The following VIPR1 variants were observed in gnomAD, a reference collection of about 807,000 sequenced individuals.
VIPR1 encodes the protein vasoactive intestinal polypeptide receptor 1.
A neutral mutation model predicts 58.8 loss-of-function variants in VIPR1; 59 were observed. The ratio of observed to expected loss-of-function variants is 1.00; its 90% CI spans 0.81 to 1.25. The LOEUF is 1.25. Among genes scored for constraint, VIPR1 ranks in the 50% most tolerant of loss-of-function variants. The pLI is 0.00. For synonymous variants in VIPR1, 251 were observed against 242.1 expected (o/e 1.04, Z -0.34); for missense variants, 626 against 602.7 (o/e 1.04, Z -0.40).
At chr3:42,518,334 C>T (rs1035801215) in intron 2 of VIPR1, among the ~76,000 whole-genome samples, 1 of 152,160 alleles carries the variant, frequency 6.6e-6, no homozygotes, top group Non-Finnish European at 1.5e-5. Context: ...TTTTCCAAAA[C>T]ATTGAACAAC....
chr3:42,519,129 G>C, intron 2 of VIPR1, 94 bp from the exon 3 acceptor site: 38 of 1,022,108 alleles, frequency 3.7e-5, no homozygotes, highest in Non-Finnish European at 5.0e-5. Context: ...GCCTGGCAGA[G>C]GGAGGAAGAG....
chr3:42,529,192 T>A (rs1701394207), intron 6 of VIPR1: 1 of 152,218 alleles, frequency 6.6e-6, no homozygotes, highest in South Asian at 2.1e-4. Context: ...GGATTATGGC[T>A]CACGCCTGTA....
At chr3:42,490,918 C>G (rs1289279308) in intron 1 of VIPR1, among the ~76,000 whole-genome samples, 1 of 152,052 alleles carries the variant, frequency 6.6e-6, no homozygotes. Flanking sequence ...AGCAGAAGAC[C>G]AGAAGAGAGG....
chr3:42,490,595 G>T (rs575624840), intron 1 of VIPR1, among the ~76,000 whole-genome samples: 1 of 152,336 alleles, frequency 6.6e-6, no homozygotes, highest in South Asian at 2.1e-4. Flanking sequence ...TTGGGAGCCA[G>T]AGGGGAGGAA....
chr3:42,503,583 G>A (rs1463262818), intron 1 of VIPR1, among the ~76,000 whole-genome samples: 1 of 152,164 alleles, frequency 6.6e-6, no homozygotes, highest in Non-Finnish European at 1.5e-5. Flanking sequence ...TGTGATATGT[G>A]TTCCTGTGGA....
At chr3:42,496,776 T>C (rs1253711315) in intron 1 of VIPR1, among the ~76,000 whole-genome samples, 1 of 152,238 alleles carries the variant, frequency 6.6e-6, no homozygotes, top group Non-Finnish European at 1.5e-5. Context: ...CATGATTTGA[T>C]GCTTCTATTT....
Position 42,513,802 on chromosome 3 carries a change from G to A in VIPR1, c.132G>A (p.Glu44=). 1 of 1,551,680 alleles carries A rather than the reference G, an allele frequency of 6.4e-7. No homozygotes were observed. Among genetic ancestry groups the A allele is most frequent in the South Asian group, 1.2e-5 (1 of 84,056 alleles). Residue 44 remains glutamate (E), a synonymous_variant, in exon 2 of 13, where the codon GAG becomes GAA. Coordinates refer to ENST00000325123, the MANE Select transcript of VIPR1 (RefSeq NM_004624.4). ...QEECDYVQMI[E]VQHKQCLEEA... ...AGTGTGACTATGTGCAGATGATCGA[G>A]GTGCAGCACAAGCAGTGCCTGGAGG...
intron 1 of VIPR1, among the ~76,000 whole-genome samples, chr3:42,504,581 C>A (rs1043667043): frequency 6.6e-6 from 1 of 151,872 alleles, no homozygotes; most frequent in African/African-American, 2.4e-5. Flanking sequence ...TTCTTACAGC[C>A]CAGTGCAGGG....
chr3:42,514,721 G>A (rs1700540038), intron 2 of VIPR1, among the ~76,000 whole-genome samples: 1 of 152,074 alleles, frequency 6.6e-6, no homozygotes, highest in African/African-American at 2.4e-5. Context: ...CTGAGCACAT[G>A]AGGGCCCCAG....
intron 6 of VIPR1, 93 bp from the exon 7 acceptor site, chr3:42,530,686 C>G: frequency 6.9e-7 from 1 of 1,441,958 alleles, no homozygotes; most frequent in East Asian, 2.3e-5. Flanking sequence ...GTTGGCTGCA[C>G]TGCAACTGTG....
At chr3:42,498,570 C>T (rs1357797119), upstream of VIPR1, among the ~76,000 whole-genome samples, 1 of 152,194 alleles carries the variant, frequency 6.6e-6, no homozygotes, top group Non-Finnish European at 1.5e-5. Context: ...TAAGCCCCAG[C>T]CTCCAGGACC....
intron 1 of VIPR1, chr3:42,513,501 G>C (rs1700462148): frequency 4.3e-6 from 2 of 464,692 alleles, no homozygotes; most frequent in African/African-American, 2.0e-5. Flanking sequence ...AGACAAAGCA[G>C]TTACAGCTGC....
At chr3:42,499,500 C>T (rs1248401231), upstream of VIPR1, among the ~76,000 whole-genome samples, 1 of 152,212 alleles carries the variant, frequency 6.6e-6, no homozygotes, top group African/African-American at 2.4e-5. Flanking sequence ...GTGATTCTGA[C>T]ATCCAGAAGG....
upstream of VIPR1, among the ~76,000 whole-genome samples, chr3:42,498,914 G>A (rs1699816547): frequency 6.6e-6 from 1 of 152,144 alleles, no homozygotes; most frequent in South Asian, 2.1e-4. Context: ...GGCCTCTCCT[G>A]CCCTCCACCA....
At position 42,536,264 on chromosome 3, in the gene VIPR1, G is replaced by A. The variant is rs752100807; in HGVS notation, c.1357G>A (p.Glu453Lys). Reference protein sequence around the residue: ...GARRSSSFQAEVSLV With the variant: ...GARRSSSFQAKVSLV ...CCGCCGCTCCTCCAGCTTCCAAGCC[G>A]AAGTCTCCCTGGTCTGACCACCAGG... The change falls in exon 13 of 13, where the codon GAA (glutamate) becomes AAA (lysine). Residue 453 changes from glutamate (E) to lysine (K), a missense_variant. Transcript: ENST00000325123. The A allele has an allele frequency of 1.3e-6, 2 of 1,573,642 alleles. No homozygotes were observed. The highest frequency in any genetic ancestry group is 1.8e-5 in the Admixed American group (1 of 55,952).
At chr3:42,497,757 G>A (rs1699793935), upstream of VIPR1, among the ~76,000 whole-genome samples, 1 of 152,210 alleles carries the variant, frequency 6.6e-6, no homozygotes, top group Non-Finnish European at 1.5e-5. Flanking sequence ...ATAAATGGGA[G>A]TTCCTCTGCA....
At chr3:42,520,264 C>A (rs753497718) in intron 3 of VIPR1, among the ~76,000 whole-genome samples, 4 of 152,146 alleles carry the variant, frequency 2.6e-5, no homozygotes, top group African/African-American at 4.8e-5. Flanking sequence ...GGGACAGGTG[C>A]GCCGAGGCCA....
chr3:42,536,087 T>C lies in VIPR1; in HGVS notation c.1183-3T>C. The C allele has an allele frequency of 6.3e-7, 1 of 1,594,570 alleles. No individual in the cohort carries two copies. Among genetic ancestry groups the C allele is most frequent in the East Asian group, 2.3e-5 (1 of 43,910 alleles). ...TGGGCCTGACCACCTTCCCCTCTCC[T>C]AGGTGCAGGCGGAGCTGAGGCGGAA... On this transcript the variant is annotated splice_polypyrimidine_tract_variant and splice_region_variant and intron_variant, in intron 12 of 12. Coordinates refer to ENST00000325123, the MANE Select transcript of VIPR1 (RefSeq NM_004624.4).
intron 2 of VIPR1, among the ~76,000 whole-genome samples, chr3:42,518,665 G>GGA (rs1303965354): frequency 6.6e-6 from 1 of 152,240 alleles, no homozygotes; most frequent in Non-Finnish European, 1.5e-5. Flanking sequence ...CTTGAACCCA[G>GGA]GAGGCAGAGG....
Sources: allele counts gnomAD v4.1 joint callset (sites outside exome capture counted in the v4.1 genomes callset), GRCh38; gene constraint gnomAD v4.1.1; transcripts MANE v1.5; gene names NCBI Gene and HGNC (gene_info 2026-07-23, HGNC 2026-07-21).